Variants in CCDC91 observed in about 807,000 individuals in gnomAD.
The protein encoded by CCDC91 is coiled-coil domain-containing protein 91.
A neutral mutation model predicts 63.2 loss-of-function variants in CCDC91; 48 were observed. The observed-to-expected ratio is 0.76, with a 90% CI of 0.60 to 0.97. The LOEUF is 0.97. Ranked by LOEUF, CCDC91 falls within the 50% of genes least tolerant of loss-of-function variation. The pLI, the probability that CCDC91 is intolerant of heterozygous loss-of-function variation, is 0.00. For synonymous variants in CCDC91, 167 were observed against 165.8 expected, an observed-to-expected ratio of 1.01 and a Z score of -0.06; for missense variants, 500 against 494.6, an observed-to-expected ratio of 1.01 and a Z score of -0.10.
intron 12 of CCDC91, among the ~76,000 whole-genome samples, chr12:28,492,050 C>T (rs1218676443): frequency 6.6e-6 from 1 of 151,676 alleles, no homozygotes; most frequent in Non-Finnish European, 1.5e-5. Context: ...TGTTCTCACT[C>T]CAGCCCATGC....
chr12:28,426,989 A>G (rs1203648577), intron 8 of CCDC91, among the ~76,000 whole-genome samples: 3 of 152,148 alleles, frequency 2.0e-5, no homozygotes. Flanking sequence ...AGAGGGTTCA[A>G]GTTCCTTAAG....
At chr12:28,357,090 T>C (rs1943575924) in intron 6 of CCDC91, among the ~76,000 whole-genome samples, 1 of 152,188 alleles carries the variant, frequency 6.6e-6, no homozygotes, top group South Asian at 2.1e-4. Context: ...AAAGAAAGCC[T>C]TGGTTCAGAT....
intron 12 of CCDC91, among the ~76,000 whole-genome samples, chr12:28,533,985 C>T (rs1408930531): frequency 6.6e-6 from 1 of 151,834 alleles, no homozygotes; most frequent in Non-Finnish European, 1.5e-5. Flanking sequence ...TACTGTATTA[C>T]TTATTCTTCC....
intron 11 of CCDC91, among the ~76,000 whole-genome samples, chr12:28,468,097 TC>T (rs1408982458): frequency 6.6e-6 from 1 of 151,676 alleles, no homozygotes; most frequent in Non-Finnish European, 1.5e-5. Flanking sequence ...AGAGCAGAAA[TC>T]AATGAAACTG....
chr12:28,344,581 C>T lies in CCDC91; in HGVS notation c.577-17857C>T, dbSNP rs548356263. On this transcript the variant is annotated intron_variant, in intron 6 of 12. Coordinates refer to ENST00000536442, the MANE Select transcript of CCDC91 (RefSeq NM_018318.5). ...TATGATAAAATCTCTTTATTATCCT[C>T]CCAGTTGTCATCAAAAATAAAAGGA... Among the ~76,000 whole-genome samples, 11 of 152,224 alleles carry T rather than the reference C, an allele frequency of 7.2e-5. No individual in the cohort carries two copies. The East Asian group carries it at 2.1e-3, about 29-fold the overall frequency.
chr12:28,493,478 A>G (rs1952119682), intron 12 of CCDC91, among the ~76,000 whole-genome samples: 1 of 151,738 alleles, frequency 6.6e-6, no homozygotes, highest in African/African-American at 2.4e-5. Flanking sequence ...ATGTGTATAT[A>G]TGTACACTGA....
intron 6 of CCDC91, among the ~76,000 whole-genome samples, chr12:28,351,748 G>C (rs1943195427): frequency 6.6e-6 from 1 of 151,508 alleles, no homozygotes; most frequent in Non-Finnish European, 1.5e-5. Flanking sequence ...CCTCCCTGTA[G>C]AATCTCAGCA....
chr12:28,524,547 T>C (rs1941075978), intron 12 of CCDC91, among the ~76,000 whole-genome samples: 2 of 152,164 alleles, frequency 1.3e-5, no homozygotes, highest in Non-Finnish European at 2.9e-5. Context: ...ACAGGGATAT[T>C]GGTCGGTAGT....
chr12:28,279,371 G>A (rs890893328), intron 3 of CCDC91, among the ~76,000 whole-genome samples: 9 of 152,064 alleles, frequency 5.9e-5, no homozygotes, highest in African/African-American at 1.9e-4. Context: ...AGTCATGCAC[G>A]TATAAGTATA....
intron 12 of CCDC91, among the ~76,000 whole-genome samples, chr12:28,543,866 T>C (rs1942803906): frequency 6.6e-6 from 1 of 152,030 alleles, no homozygotes; most frequent in Non-Finnish European, 1.5e-5. Context: ...TTTATTTCTC[T>C]TTTCCTTTCA....
chr12:28,193,509 G>A (rs1320234097), intron 1 of CCDC91, among the ~76,000 whole-genome samples: 4 of 151,998 alleles, frequency 2.6e-5, no homozygotes, highest in African/African-American at 9.7e-5. Flanking sequence ...GCTGAGGCAG[G>A]AGAACTGCTT....
chr12:28,459,651 C>G (rs1282016008), intron 11 of CCDC91, among the ~76,000 whole-genome samples: 1 of 152,082 alleles, frequency 6.6e-6, no homozygotes, highest in Non-Finnish European at 1.5e-5. Context: ...TCTGAGAGGT[C>G]AAGGATAATT....
chr12:28,389,296 G>A (rs1381706915), intron 7 of CCDC91, among the ~76,000 whole-genome samples: 1 of 152,082 alleles, frequency 6.6e-6, no homozygotes, highest in Non-Finnish European at 1.5e-5. Context: ...GCGCAATGTG[G>A]AAGACTTTTA....
intron 8 of CCDC91, among the ~76,000 whole-genome samples, chr12:28,449,064 T>G (rs1414576148): frequency 2.6e-5 from 4 of 152,094 alleles, no homozygotes; most frequent in Non-Finnish European, 1.5e-5. Flanking sequence ...TATCACAGTT[T>G]GGATTTGTTT....
chr12:28,543,315 T>A (rs897415630), intron 12 of CCDC91, among the ~76,000 whole-genome samples: 6 of 152,086 alleles, frequency 3.9e-5, no homozygotes, highest in South Asian at 2.1e-4. Flanking sequence ...TTACAATAAT[T>A]ATCTGTTGAA....
In CCDC91 at chr12:28,303,449, A is replaced by G. The variant is rs545029950; in HGVS notation, c.110-2200A>G. Reference sequence around the variant, plus strand: ...CTTTCCCTCCTTTCTCCCTAACATGATACACTTGAACATTTAATGTTACAG... The same window carrying G: ...CTTTCCCTCCTTTCTCCCTAACATGGTACACTTGAACATTTAATGTTACAG... On this transcript the variant is annotated intron_variant, in intron 3 of 12. Transcript: ENST00000536442. Among the ~76,000 whole-genome samples, 4 of 152,050 alleles carry G rather than the reference A, an allele frequency of 2.6e-5. No homozygotes were observed. In the East Asian group the frequency reaches 7.7e-4, roughly 29 times the overall value.
intron 7 of CCDC91, among the ~76,000 whole-genome samples, chr12:28,363,876 G>GAAAAAAAAAAAAAAAAAAAAAA: frequency 1.9e-5 from 1 of 52,560 alleles, no homozygotes; most frequent in Non-Finnish European, 3.2e-5. Flanking sequence ...GGCTCCATCT[G>GAAAAAAAAAAAAAAAAAAAAAA]AAAAAAAAAA....
chr12:28,437,161 T>C (rs1948954164), intron 8 of CCDC91, among the ~76,000 whole-genome samples: 1 of 151,986 alleles, frequency 6.6e-6, no homozygotes, highest in Non-Finnish European at 1.5e-5. Flanking sequence ...GTGTCCTTTT[T>C]TTGTGGGCCT....
intron 7 of CCDC91, among the ~76,000 whole-genome samples, chr12:28,363,307 G>T (rs755674433): frequency 6.6e-6 from 1 of 151,936 alleles, no homozygotes; most frequent in African/African-American, 2.4e-5. Flanking sequence ...CTTTCTTGCT[G>T]TATTTACTCA....
Sources: allele counts gnomAD v4.1 joint callset (sites outside exome capture counted in the v4.1 genomes callset), GRCh38; gene constraint gnomAD v4.1.1; transcripts MANE v1.5; gene names NCBI Gene and HGNC (gene_info 2026-07-23, HGNC 2026-07-21).